Variants in BCL9L observed in about 807,000 individuals in gnomAD.
BCL9L encodes BCL9 like.
Under a neutral mutation model 99.4 loss-of-function variants are expected in BCL9L, and 19 were observed. The ratio of observed to expected loss-of-function variants is 0.19; its 90% confidence interval spans 0.13 to 0.28. BCL9L has a LOEUF of 0.28. Ranked by LOEUF, BCL9L falls within the 10% of genes least tolerant of loss-of-function variation. The pLI is 1.00. For missense variants in BCL9L, 2,023 were observed against 2,101.6 expected (o/e 0.96, Z 0.73); for synonymous variants, 900 against 854.8 (o/e 1.05, Z -0.92).
intron 2 of BCL9L, among the ~76,000 whole-genome samples, chr11:118,913,630 G>T (rs895149801): frequency 3.9e-5 from 6 of 152,060 alleles, no homozygotes; most frequent in Non-Finnish European, 7.4e-5. Context: ...CAGGCGGCGG[G>T]CACTCTGGGC....
Position 118,901,164 on chromosome 11 carries a change from G to C in BCL9L, c.2579C>G (p.Ser860Cys). ...GTCTTGGGTATTGCCCATGTCCTGG[G>C]ACATGGCTTGGTAGGGTCCCTGGCC... ...SGGQGPYQAM[S>C]QDMGNTQDMF... The change falls in exon 8 of 10, where the codon TCC (serine) becomes TGC (cysteine). Residue 860 changes from serine to cysteine, a missense_variant. Around this residue, in one of 3 missense-constraint regions of BCL9L, gnomAD observed 5 missense variants for 18.7 expected, o/e 0.27. Transcript: ENST00000683865. The surrounding 1 kb of genome is among the most constrained non-coding windows in gnomAD (Gnocchi z 6.6). 2 of 1,614,046 alleles carry C rather than the reference G, an allele frequency of 1.2e-6. No individual in the cohort carries two copies. The highest frequency in any genetic ancestry group is 1.7e-6 in the Non-Finnish European group (2 of 1,179,964).
Position 118,900,298 on chromosome 11 carries a change from A to T in BCL9L, c.3125-100T>A, listed in dbSNP as rs1940160795. The T allele has an allele frequency of 1.5e-6, 2 of 1,309,376 alleles. No individual in the cohort carries two copies. Among genetic ancestry groups the T allele is most frequent in the Admixed American group, 2.7e-5 (1 of 37,234 alleles). 81.1% of individuals were successfully genotyped at this position (1,309,376 alleles called of 1,614,324 possible). On this transcript the variant is annotated intron_variant, in intron 8 of 9. Coordinates refer to ENST00000683865, the MANE Select transcript of BCL9L (RefSeq NM_001378213.1). This position sits in a 1 kb window ranked among gnomAD's most constrained non-coding sequence, Gnocchi z 5.3. ...GGTTTAGGAAGCGGTCAGTTCCCCA[A>T]ATCACCTGGTCCTTCAGACACACCC... is the stretch of plus-strand genomic sequence containing the variant.
At chr11:118,909,807 A>C (rs1036682228) in intron 3 of BCL9L, 107 bp downstream of exon 3, 1 of 1,564,332 alleles carries the variant, frequency 6.4e-7, no homozygotes, top group Non-Finnish European at 8.8e-7. Flanking sequence ...CCAGGTGCCC[A>C]GGGCGGCTCC....
Position 118,908,519 on chromosome 11 carries a change from C to T in BCL9L, c.163G>A (p.Ala55Thr), listed in dbSNP as rs1940629986. Residue 55 changes from alanine (A) to threonine (T), a missense_variant, in exon 4 of 10, where the codon GCC (alanine) becomes ACC (threonine). Ala to Thr is a moderately conservative substitution (Grantham distance 58). Coordinates refer to ENST00000683865, the MANE Select transcript of BCL9L (RefSeq NM_001378213.1). ...TNHGKTGNGG[A>T]QSQHQNVNQG... ...TTCACATTCTGGTGCTGAGATTGGG[C>T]CCCGCCATTCCCTGTCTTGCCATGA... 1 of 1,614,124 alleles carries T rather than the reference C, an allele frequency of 6.2e-7. No homozygotes were observed. Among genetic ancestry groups the T allele is most frequent in the Non-Finnish European group, 8.5e-7 (1 of 1,180,000 alleles).
chr11:118,908,883 C>A (rs1361834072), intron 3 of BCL9L, among the ~76,000 whole-genome samples: 1 of 152,120 alleles, frequency 6.6e-6, no homozygotes, highest in African/African-American at 2.4e-5. Context: ...CCCTCCACCC[C>A]CTAGCCTCCA....
chr11:118,925,767 G>T lies in BCL9L; in HGVS notation c.-660C>A, dbSNP rs1436136763. ...CGCCGGGGGACCCAGGCGTGCGGGCGTCCGGCCGGCTGGCTCCGGGCGGCG... is the reference window on the plus strand; with the variant it reads ...CGCCGGGGGACCCAGGCGTGCGGGCTTCCGGCCGGCTGGCTCCGGGCGGCG... On this transcript the variant is annotated 5_prime_UTR_variant, in exon 1 of 10. Coordinates refer to ENST00000683865, the MANE Select transcript of BCL9L (RefSeq NM_001378213.1). This position sits in a 1 kb window ranked among gnomAD's most constrained non-coding sequence, Gnocchi z 6.4. Among the ~76,000 whole-genome samples, 5 of 150,204 alleles carry T rather than the reference G, an allele frequency of 3.3e-5. No individual in the cohort carries two copies. Among genetic ancestry groups the T allele is most frequent in the Admixed American group, 2.0e-4 (3 of 15,098 alleles).
rs1302258658 is a variant in BCL9L, at chr11:118,900,575, C to T, written c.3124+44G>A. 1.5e-5 allele frequency: 24 copies of T among 1,558,026 alleles called. No homozygotes were observed. The highest frequency in any genetic ancestry group is 3.6e-5 in the South Asian group (3 of 82,398). ...GCCCCAGCATGGACACACTGCTCAG[C>T]GCCTGCCTGCCTGCCTGCCTGCCTG... On this transcript the variant is annotated intron_variant, in intron 8 of 9. Coordinates refer to ENST00000683865, the MANE Select transcript of BCL9L (RefSeq NM_001378213.1). This position sits in a 1 kb window ranked among gnomAD's most constrained non-coding sequence, Gnocchi z 5.3.
Position 118,901,287 on chromosome 11 carries a change from C to T in BCL9L, c.2456G>A (p.Arg819Gln), listed in dbSNP as rs374181286. The change falls in exon 8 of 10, where the codon CGG becomes CAG. Residue 819 changes from arginine (R) to glutamine (Q), a missense_variant. By Grantham distance (43) the Arg-to-Gln change is conservative. Transcript: ENST00000683865. This position sits in a 1 kb window ranked among gnomAD's most constrained non-coding sequence, Gnocchi z 6.6. Reference sequence around the variant, plus strand: ...GCCACTGCTGTTCTGGGCCCGAACCCGGGCCATCTCCTCAGGACTGAGGCC... The same window carrying T: ...GCCACTGCTGTTCTGGGCCCGAACCTGGGCCATCTCCTCAGGACTGAGGCC... ...PQGLSPEEMARVRAQNSSGVM... is the reference protein window; with the variant it reads ...PQGLSPEEMAQVRAQNSSGVM... 9.3e-6 allele frequency: 15 copies of T among 1,613,856 alleles called. No individual in the cohort carries two copies. The highest frequency in any genetic ancestry group is 6.7e-5 in the African/African-American group (5 of 74,896).
rs1007399908 is a variant in BCL9L at position 118,903,769 on chromosome 11, G to A, written c.533-317C>T. On this transcript the variant is annotated intron_variant, in intron 5 of 9. Transcript: ENST00000683865. This position sits in a 1 kb window ranked among gnomAD's most constrained non-coding sequence, Gnocchi z 5.6. ...TCACACACTCCACTTAACAAAGGAG[G>A]AAATAAGTTCCTCACCCACAGTTAC... 2.6e-5 allele frequency among the ~76,000 whole-genome samples: 4 copies of A among 152,192 alleles called. No homozygotes were observed. Among genetic ancestry groups the A allele is most frequent in the African/African-American group, 7.2e-5 (3 of 41,440 alleles).
Position 118,899,438 on chromosome 11 carries a change from G to A in BCL9L, c.3477C>T (p.Asn1159=), listed in dbSNP as rs1044748338. The part of the protein sequence containing the change: ...SAAAQSPMGM[N]LPGQQPLSHE... Reference sequence around the variant, plus strand: ...GGGACAGGGGCTGCTGGCCTGGCAGGTTCATGCCCATAGGGCTCTGGGCAG... The same window carrying A: ...GGGACAGGGGCTGCTGGCCTGGCAGATTCATGCCCATAGGGCTCTGGGCAG... The change falls in exon 10 of 10, where the codon AAC becomes AAT. Residue 1159 remains asparagine, a synonymous_variant. Coordinates refer to ENST00000683865, the MANE Select transcript of BCL9L (RefSeq NM_001378213.1). The A allele has an allele frequency of 4.4e-6, 7 of 1,602,314 alleles. No individual in the cohort carries two copies. The Admixed American group carries it at 5.2e-5, about 12-fold the overall frequency.
Position 118,898,193 on chromosome 11 carries a change from G to C in BCL9L, c.*222C>G. ...TGGGGGAGGGGCAGTCCTGGTGGCC[G>C]AAATGGAACCAACCCCAATGCAAAA... On this transcript the variant is annotated 3_prime_UTR_variant, in exon 10 of 10. Coordinates refer to ENST00000683865, the MANE Select transcript of BCL9L (RefSeq NM_001378213.1). The C allele has an allele frequency of 1.5e-6, 1 of 647,326 alleles. No homozygotes were observed. The highest frequency in any genetic ancestry group is 2.6e-6 in the Non-Finnish European group (1 of 384,318). The allele number at this position is 647,326 out of a possible 1,614,324, so 40.1% of individuals were successfully genotyped here. A position where few individuals can be genotyped will look rare whatever the true frequency, so the allele number is the denominator to read the frequency against.
intron 1 of BCL9L, among the ~76,000 whole-genome samples, chr11:118,920,682 CAAG>C (rs1339801761): frequency 1.3e-5 from 2 of 152,120 alleles, no homozygotes; most frequent in African/African-American, 4.8e-5. Flanking sequence ...ATAATCAGGA[CAAG>C]AAGAGGTGGA....
intron 2 of BCL9L, among the ~76,000 whole-genome samples, chr11:118,916,086 G>A (rs1468514893): frequency 6.6e-6 from 1 of 152,210 alleles, no homozygotes; most frequent in Non-Finnish European, 1.5e-5. Context: ...AGGCCCCAGG[G>A]GCTGGGCACA....
rs542143163 is a variant in BCL9L, at chr11:118,910,909, C to T, written c.-76-894G>A. The T allele has an allele frequency of 1.9e-3, 413 of 216,706 alleles. 3 individuals carry two copies. The highest frequency in any genetic ancestry group is 0.01 in the African/African-American group (402 of 38,684). The allele number at this position is 216,706 out of a possible 1,614,324, so 13.4% of individuals were successfully genotyped here. ...CAGGGAGACAAGACACGCACGGAGC[C>T]CAGGAAGCTAGAGGCGCGCCGAGGC... On this transcript the variant is annotated intron_variant, in intron 2 of 9. Coordinates refer to ENST00000683865, the MANE Select transcript of BCL9L (RefSeq NM_001378213.1).
Position 118,898,272 on chromosome 11 carries a change from A to T in BCL9L, c.*143T>A. ...TAAGCTGCCAGCACATCTGGTTTCC[A>T]CAAATGCCACTCCCTACACAAGCCC... On this transcript the variant is annotated 3_prime_UTR_variant, in exon 10 of 10. Transcript: ENST00000683865. 9.2e-7 allele frequency: 1 copy of T among 1,084,956 alleles called. No homozygotes were observed. The highest frequency in any genetic ancestry group is 1.3e-6 in the Non-Finnish European group (1 of 785,932). 67.2% of individuals were successfully genotyped at this position (1,084,956 alleles called of 1,614,324 possible).
At position 118,898,388 on chromosome 11, in the gene BCL9L, C is replaced by G. The variant is rs780354151; in HGVS notation, c.*27G>C. On this transcript the variant is annotated 3_prime_UTR_variant, in exon 10 of 10. Coordinates refer to ENST00000683865, the MANE Select transcript of BCL9L (RefSeq NM_001378213.1). ...TAAGGTTATCGTATTTGCAACATTG[C>G]CCCGGCTCCAGCCCTGGCAGCGACT... The G allele has an allele frequency of 4.1e-5, 62 of 1,516,716 alleles. No individual in the cohort carries two copies. Among genetic ancestry groups the G allele is most frequent in the Non-Finnish European group, 5.3e-5 (59 of 1,120,310 alleles). 94.0% of individuals were successfully genotyped at this position (1,516,716 alleles called of 1,614,324 possible). A position where few individuals can be genotyped will look rare whatever the true frequency, so the allele number is the denominator to read the frequency against.
chr11:118,922,704 G>A lies in BCL9L; in HGVS notation c.-131+2534C>T, dbSNP rs529441711. 2.6e-5 allele frequency among the ~76,000 whole-genome samples: 4 copies of A among 152,138 alleles called. No homozygotes were observed. Among genetic ancestry groups the A allele is most frequent in the East Asian group, 3.9e-4 (2 of 5,152 alleles). On this transcript the variant is annotated intron_variant, in intron 1 of 9. Transcript: ENST00000683865. The surrounding 1 kb of genome is among the most constrained non-coding windows in gnomAD (Gnocchi z 6.2). ...CCCCCTTCTGCCCCCTCCCCCCATC[G>A]GAGGTCAGCACCCGGGCAGTGCCCA...
chr11:118,905,038 C>T (rs1940449311), intron 5 of BCL9L, among the ~76,000 whole-genome samples: 1 of 152,184 alleles, frequency 6.6e-6, no homozygotes. Context: ...CATGTATAAC[C>T]TCATTTACTC....
Position 118,898,294 on chromosome 11 carries a change from G to GCCCCCCACCCCCCCCCCCCCCCCCCC in BCL9L, c.*120_*121insGGGGGGGGGGGGGGGGGGGTGGGGGG. ...TCCACAAATGCCACTCCCTACACAAGCCCCCTCCCACCCCCTCCACCCCAC... is the reference window on the plus strand; with the variant it reads ...TCCACAAATGCCACTCCCTACACAAGCCCCCCACCCCCCCCCCCCCCCCCCCCCCCCTCCCACCCCCTCCACCCCAC... On this transcript the variant is annotated 3_prime_UTR_variant, in exon 10 of 10. Coordinates refer to ENST00000683865, the MANE Select transcript of BCL9L (RefSeq NM_001378213.1). 2 of 452,312 alleles carry GCCCCCCACCCCCCCCCCCCCCCCCCC rather than the reference G, an allele frequency of 4.4e-6. No homozygotes were observed. Among genetic ancestry groups the GCCCCCCACCCCCCCCCCCCCCCCCCC allele is most frequent in the Non-Finnish European group, 8.2e-6 (2 of 244,762 alleles). 28.0% of individuals were successfully genotyped at this position (452,312 alleles called of 1,614,324 possible).
Sources: allele counts gnomAD v4.1 joint callset (sites outside exome capture counted in the v4.1 genomes callset), GRCh38; gene constraint gnomAD v4.1.1; regional missense constraint gnomAD v4.1.1; non-coding constraint Gnocchi (gnomAD v3.1); transcripts MANE v1.5; gene names NCBI Gene and HGNC (gene_info 2026-07-23, HGNC 2026-07-21).